NCK2: variants seen among roughly 807,000 people sequenced by gnomAD.
NCK2 encodes the protein cytoplasmic protein NCK2.
A neutral mutation model predicts 33.9 loss-of-function variants in NCK2; 16 were observed. The ratio of observed to expected loss-of-function variants is 0.47; its 90% confidence interval spans 0.32 to 0.72. The LOEUF (loss-of-function observed/expected upper bound fraction) is 0.72. Ranked by LOEUF, NCK2 falls within the 30% of genes least tolerant of loss-of-function variation. The probability of loss-of-function intolerance (pLI) is 0.03; values close to 1 mark genes in which losing one functional copy is unlikely to be tolerated. For missense variants in NCK2, 418 were observed against 537.3 expected, an observed-to-expected ratio of 0.78 and a Z score of 2.19; for synonymous variants, 273 against 239.9, an observed-to-expected ratio of 1.14 and a Z score of -1.27.
In NCK2 at chr2:105,786,044, T is replaced by C. The variant is rs1231260757; in HGVS notation, c.-200-30386T>C. ...TCTGTCAATTTTCTCATTTACCTTC[T>C]GCCTTATTTGCCTTATTCTCACGTC... On this transcript the variant is annotated intron_variant, in intron 1 of 4. Transcript: ENST00000233154. Among the ~76,000 whole-genome samples the C allele has an allele frequency of 5.3e-5, 8 of 152,324 alleles. 1 individual carries two copies. The East Asian group carries it at 9.6e-4, about 18-fold the overall frequency.
At chr2:105,850,759 A>C (rs1347750386) in intron 2 of NCK2, among the ~76,000 whole-genome samples, 1 of 152,244 alleles carries the variant, frequency 6.6e-6, no homozygotes, top group African/African-American at 2.4e-5. Flanking sequence ...GTAGTCAATT[A>C]GCTGGAATGC....
In NCK2 at chr2:105,893,298, T is replaced by C; in HGVS notation, c.*122T>C. 1.0e-6 allele frequency: 1 copy of C among 997,320 alleles called. No homozygotes were observed. The highest frequency in any genetic ancestry group is 1.4e-6 in the Non-Finnish European group (1 of 699,106). The allele number at this position is 997,320 out of a possible 1,614,324, so 61.8% of individuals were successfully genotyped here. On this transcript the variant is annotated 3_prime_UTR_variant, in exon 5 of 5. Coordinates refer to ENST00000233154, the MANE Select transcript of NCK2 (RefSeq NM_003581.5). ...GCTTCTCTGCGAGTCTCTCTTTATG[T>C]TCAGGTCGCTTGGTCGGTTCGTCTC...
chr2:105,750,582 C>T (rs978267514), intron 1 of NCK2, among the ~76,000 whole-genome samples: 15 of 152,272 alleles, frequency 9.9e-5, no homozygotes, highest in African/African-American at 1.4e-4. Context: ...AAGGAGGGAA[C>T]GTCAGCTCTT....
intron 3 of NCK2, among the ~76,000 whole-genome samples, chr2:105,861,653 T>TA (rs2104602760): frequency 6.6e-6 from 1 of 151,990 alleles, no homozygotes; most frequent in East Asian, 1.9e-4. Flanking sequence ...TAGCTGGGAC[T>TA]ACAGGTGTGT....
intron 1 of NCK2, among the ~76,000 whole-genome samples, chr2:105,793,881 A>G (rs1360367877): frequency 6.6e-6 from 1 of 152,140 alleles, no homozygotes; most frequent in Non-Finnish European, 1.5e-5. Context: ...TGTGGGGACC[A>G]CTACTGTTTA....
At chr2:105,822,176 G>A (rs1270688677) in intron 2 of NCK2, among the ~76,000 whole-genome samples, 1 of 19,052 alleles carries the variant, frequency 5.2e-5, no homozygotes, top group Non-Finnish European at 7.9e-5. Context: ...GCAGTTTGGA[G>A]AGTTCTTTGG....
chr2:105,785,942 G>T (rs1056154491), intron 1 of NCK2, among the ~76,000 whole-genome samples: 1 of 152,150 alleles, frequency 6.6e-6, no homozygotes, highest in Non-Finnish European at 1.5e-5. Flanking sequence ...TAACTTGGGC[G>T]ACTGGTTCCC....
At chr2:105,824,286 A>G (rs1474730989) in intron 2 of NCK2, among the ~76,000 whole-genome samples, 1 of 152,192 alleles carries the variant, frequency 6.6e-6, no homozygotes, top group East Asian at 1.9e-4. Flanking sequence ...CTCACAGGGA[A>G]TGAGTGGGAA....
chr2:105,838,541 T>C (rs1248219420), intron 2 of NCK2, among the ~76,000 whole-genome samples: 1 of 152,236 alleles, frequency 6.6e-6, no homozygotes, highest in East Asian at 1.9e-4. Context: ...TTAAATTTTT[T>C]AATGGAATTA....
At chr2:105,830,607 C>T (rs2104520132) in intron 2 of NCK2, among the ~76,000 whole-genome samples, 1 of 150,884 alleles carries the variant, frequency 6.6e-6, no homozygotes, top group Non-Finnish European at 1.5e-5. Context: ...AGTGGGATTG[C>T]TAGATCATTT....
chr2:105,871,050 G>A (rs1400913100), intron 3 of NCK2, among the ~76,000 whole-genome samples: 1 of 152,172 alleles, frequency 6.6e-6, no homozygotes, highest in Non-Finnish European at 1.5e-5. Flanking sequence ...ACCCCTGGCA[G>A]TGGAGGTGCC....
intron 3 of NCK2, among the ~76,000 whole-genome samples, chr2:105,859,120 G>A (rs1367217274): frequency 6.6e-6 from 1 of 152,198 alleles, no homozygotes; most frequent in Non-Finnish European, 1.5e-5. Context: ...AAAGCACTAT[G>A]CTACATCTTT....
At chr2:105,872,061 C>G (rs987062676) in intron 3 of NCK2, among the ~76,000 whole-genome samples, 3 of 152,214 alleles carry the variant, frequency 2.0e-5, no homozygotes, top group African/African-American at 7.2e-5. Flanking sequence ...ATTTCTTCTT[C>G]CTTAAACGTA....
intron 2 of NCK2, among the ~76,000 whole-genome samples, chr2:105,831,796 C>G (rs1233238459): frequency 5.9e-5 from 9 of 152,086 alleles, no homozygotes; most frequent in Admixed American, 4.6e-4. Flanking sequence ...ATTACTATAG[C>G]TTGTAGTATA....
chr2:105,823,486 A>G (rs1045453539), intron 2 of NCK2, among the ~76,000 whole-genome samples: 4 of 151,952 alleles, frequency 2.6e-5, no homozygotes, highest in Admixed American at 6.5e-5. Context: ...TATTATAACT[A>G]ACGTTGAAAT....
intron 2 of NCK2, among the ~76,000 whole-genome samples, chr2:105,843,951 C>A (rs962018709): frequency 6.6e-6 from 1 of 152,184 alleles, no homozygotes; most frequent in Admixed American, 6.5e-5. Flanking sequence ...CCGCCTCAGC[C>A]AGGTGATCAA....
In NCK2 at chr2:105,894,190, C is replaced by T. The variant is rs759061227; in HGVS notation, c.*1014C>T. 2 of 152,502 alleles carry T rather than the reference C, an allele frequency of 1.3e-5. No individual in the cohort carries two copies. Among genetic ancestry groups the T allele is most frequent in the African/African-American group, 4.8e-5 (2 of 41,406 alleles). The allele number at this position is 152,502 out of a possible 1,614,324, so 9.4% of individuals were successfully genotyped here. A position where few individuals can be genotyped will look rare whatever the true frequency, so the allele number is the denominator to read the frequency against. On this transcript the variant is annotated 3_prime_UTR_variant, in exon 5 of 5. Coordinates refer to ENST00000233154, the MANE Select transcript of NCK2 (RefSeq NM_003581.5). ...AACGTCTTGAGATGGCACATTCCTA[C>T]GATTGAAGAAGGGGTCTTGAGATCC...
intron 2 of NCK2, among the ~76,000 whole-genome samples, chr2:105,833,316 C>T (rs956542105): frequency 3.3e-5 from 5 of 152,104 alleles, no homozygotes; most frequent in East Asian, 3.9e-4. Flanking sequence ...AGGCTGATCT[C>T]GAACTCCGGG....
At chr2:105,812,623 G>T (rs116794386) in intron 1 of NCK2, among the ~76,000 whole-genome samples, 2,645 of 152,260 alleles carry the variant, frequency 0.017, 39 homozygotes, top group Non-Finnish European at 0.021. Flanking sequence ...GAGCTCTGAG[G>T]CCTATGCTAA....
Sources: allele counts gnomAD v4.1 joint callset (sites outside exome capture counted in the v4.1 genomes callset), GRCh38; gene constraint gnomAD v4.1.1; transcripts MANE v1.5; gene names NCBI Gene and HGNC (gene_info 2026-07-23, HGNC 2026-07-21).